The following TRIP10 variants were observed in gnomAD, a reference collection of about 807,000 sequenced individuals.
TRIP10 encodes the protein thyroid hormone receptor interactor 10.
TRIP10 carries 54 observed loss-of-function variants against 80.9 expected under a neutral mutation model. The observed-to-expected ratio is 0.67, with a 90% CI of 0.54 to 0.84. TRIP10 has a LOEUF of 0.84. TRIP10 is among the 40% of genes least tolerant of loss of function. TRIP10 has a pLI of 0.00. For synonymous variants in TRIP10, 321 were observed against 307.2 expected, an observed-to-expected ratio of 1.04 and a Z score of -0.47; for missense variants, 773 against 815.3, an observed-to-expected ratio of 0.95 and a Z score of 0.63.
In TRIP10 at chr19:6,746,222, A is replaced by G. The variant is rs1463206628; in HGVS notation, c.1152+26A>G. On this transcript the variant is annotated intron_variant, in intron 10 of 14. Transcript: ENST00000313244. This position sits in a 1 kb window ranked among gnomAD's most constrained non-coding sequence, Gnocchi z 6.2. ...GTAAGTGAGGCCTCGGGGCAGGAGGAGGTGGTGGCCCTAGCCTGCCCAGCG... is the reference window on the plus strand; with the variant it reads ...GTAAGTGAGGCCTCGGGGCAGGAGGGGGTGGTGGCCCTAGCCTGCCCAGCG... 1 of 1,507,760 alleles carries G rather than the reference A, an allele frequency of 6.6e-7. No individual in the cohort carries two copies. The highest frequency in any genetic ancestry group is 2.2e-5 in the Admixed American group (1 of 46,456). 93.4% of individuals were successfully genotyped at this position (1,507,760 alleles called of 1,614,324 possible).
Position 6,745,461 on chromosome 19 carries a change from T to G in TRIP10, c.984+467T>G, listed in dbSNP as rs1414234172. On this transcript the variant is annotated intron_variant, in intron 9 of 14. Transcript: ENST00000313244. This position sits in a 1 kb window ranked among gnomAD's most constrained non-coding sequence, Gnocchi z 7.2. ...CCCTCTTCACTTACACTCTCATACC[T>G]CTCCTTGACTTAACACCTGTGATCC... 6.6e-6 allele frequency among the ~76,000 whole-genome samples: 1 copy of G among 152,098 alleles called. No individual in the cohort carries two copies. The highest frequency in any genetic ancestry group is 1.5e-5 in the Non-Finnish European group (1 of 68,016).
rs753911553 is a variant in TRIP10, at chr19:6,751,288, TTA to T, written c.*79_*80del. Reference sequence around the variant, plus strand: ...CGGGGAGCCCCAGGACCTATGCACTTTATTTCTGACCCCGTGGCTTCGGCTGA... The same window carrying T: ...CGGGGAGCCCCAGGACCTATGCACTTTTTCTGACCCCGTGGCTTCGGCTGA... On this transcript the variant is annotated 3_prime_UTR_variant, in exon 15 of 15. Coordinates refer to ENST00000313244, the MANE Select transcript of TRIP10 (RefSeq NM_001288962.2). 6.2e-7 allele frequency: 1 copy of T among 1,603,750 alleles called. No individual in the cohort carries two copies. Among genetic ancestry groups the T allele is most frequent in the Non-Finnish European group, 8.5e-7 (1 of 1,173,898 alleles).
In TRIP10 at chr19:6,745,052, G is replaced by T. The variant is rs1342544116; in HGVS notation, c.984+58G>T. 1 of 1,561,670 alleles carries T rather than the reference G, an allele frequency of 6.4e-7. No individual in the cohort carries two copies. Among genetic ancestry groups the T allele is most frequent in the Non-Finnish European group, 8.7e-7 (1 of 1,155,676 alleles). ...GAAGGACAGTGAAGTGGGGACAGTG[G>T]GGCCCCTATTGAGTCAGCCCCAGCC... is the stretch of plus-strand genomic sequence containing the variant. On this transcript the variant is annotated intron_variant, in intron 9 of 14. Transcript: ENST00000313244. The surrounding 1 kb of genome is among the most constrained non-coding windows in gnomAD (Gnocchi z 7.2).
Position 6,749,929 on chromosome 19 carries a change from C to T in TRIP10, c.1263-5C>T, listed in dbSNP as rs779225155. 1.9e-6 allele frequency: 3 copies of T among 1,613,208 alleles called. No individual in the cohort carries two copies. The highest frequency in any genetic ancestry group is 1.7e-4 in the Middle Eastern group (1 of 6,052). ...TTCCTGTCTATCCTGTCTCCCTTGT[C>T]ATAGGGAAGCCCTAAAGAAAATGAA... On this transcript the variant is annotated splice_region_variant and splice_polypyrimidine_tract_variant and intron_variant, in intron 11 of 14. Coordinates refer to ENST00000313244, the MANE Select transcript of TRIP10 (RefSeq NM_001288962.2).
chr19:6,740,821 C>G (rs537700912), intron 1 of TRIP10, 189 bp from the exon 2 acceptor site: 1 of 580,862 alleles, frequency 1.7e-6, no homozygotes, highest in East Asian at 2.9e-5. Context: ...CGGCCCTTCC[C>G]GGGAAGGGGA....
In TRIP10 at chr19:6,744,792, T is replaced by TC; in HGVS notation, c.790-3dup. The TC allele has an allele frequency of 6.2e-7, 1 of 1,609,602 alleles. No homozygotes were observed. The stretch of plus-strand genomic sequence containing the variant: ...CTCGACTGCTCATCCACTGTCCCCC[T>TC]CCCCCAGGACTCCCACGTCCTTATA... On this transcript the variant is annotated splice_polypyrimidine_tract_variant and splice_region_variant and intron_variant, in intron 8 of 14. Coordinates refer to ENST00000313244, the MANE Select transcript of TRIP10 (RefSeq NM_001288962.2). The surrounding 1 kb of genome is among the most constrained non-coding windows in gnomAD (Gnocchi z 4.9).
rs915761466 is a variant in TRIP10, at chr19:6,745,599, C to T, written c.985-430C>T. The T allele has an allele frequency of 1.0e-5, 10 of 985,150 alleles. No individual in the cohort carries two copies. The highest frequency in any genetic ancestry group is 5.2e-5 in the African/African-American group (3 of 57,164). 61.0% of individuals were successfully genotyped at this position (985,150 alleles called of 1,614,324 possible). A position where few individuals can be genotyped will look rare whatever the true frequency, so the allele number is the denominator to read the frequency against. On this transcript the variant is annotated intron_variant, in intron 9 of 14. Transcript: ENST00000313244. The surrounding 1 kb of genome is among the most constrained non-coding windows in gnomAD (Gnocchi z 7.2). ...ATTTTTGTCCTCTGTGGCCTCTTAC[C>T]TGTCTGAGACCTTGATTCCTGCATG...
In TRIP10 at chr19:6,746,095, TC is replaced by T; in HGVS notation, c.1057del (p.Arg353AlafsTer10). 8 of 1,409,554 alleles carry T rather than the reference TC, an allele frequency of 5.7e-6. No homozygotes were observed. The highest frequency in any genetic ancestry group is 2.3e-5 in the Admixed American group (1 of 43,238). The allele number at this position is 1,409,554 out of a possible 1,614,324, so 87.3% of individuals were successfully genotyped here. A position where few individuals can be genotyped will look rare whatever the true frequency, so the allele number is the denominator to read the frequency against. ...VPSALPNGPPSPRSGRDPLAI... is the reference protein window; with the variant it reads ...VPSALPNGPPXPRSGRDPLAI... ...CTCGGCATTGCCTAACGGACCCCCG[TC>T]CCCCCGCTCCGGCCGTGACCCCTTG... On this transcript the variant is annotated frameshift_variant, in exon 10 of 15. Coordinates refer to ENST00000313244, the MANE Select transcript of TRIP10 (RefSeq NM_001288962.2). LOFTEE classifies it high-confidence loss of function. This position sits in a 1 kb window ranked among gnomAD's most constrained non-coding sequence, Gnocchi z 6.2.
At chr19:6,741,935 A>T (rs1968928440) in intron 3 of TRIP10, among the ~76,000 whole-genome samples, 2 of 151,910 alleles carry the variant, frequency 1.3e-5, no homozygotes, top group South Asian at 4.1e-4. Context: ...CTCCTGCCTC[A>T]GCCTCCCTAG....
At position 6,751,263 on chromosome 19, in the gene TRIP10, C is replaced by G. The variant is rs113120264; in HGVS notation, c.*52C>G. The G allele has an allele frequency of 6.2e-7, 1 of 1,612,604 alleles. No homozygotes were observed. Among genetic ancestry groups the G allele is most frequent in the South Asian group, 1.1e-5 (1 of 90,918 alleles). ...GCTGTCGGCTGCTGCTTCTGGGCCA[C>G]GGGGAGCCCCAGGACCTATGCACTT... On this transcript the variant is annotated 3_prime_UTR_variant, in exon 15 of 15. Coordinates refer to ENST00000313244, the MANE Select transcript of TRIP10 (RefSeq NM_001288962.2).
Position 6,745,468 on chromosome 19 carries a change from G to C in TRIP10, c.984+474G>C, listed in dbSNP as rs143759170. Among the ~76,000 whole-genome samples the C allele has an allele frequency of 6.6e-6, 1 of 152,054 alleles. No homozygotes were observed. Among genetic ancestry groups the C allele is most frequent in the Non-Finnish European group, 1.5e-5 (1 of 68,016 alleles). ...CACTTACACTCTCATACCTCTCCTT[G>C]ACTTAACACCTGTGATCCCCGAGCT... On this transcript the variant is annotated intron_variant, in intron 9 of 14. Coordinates refer to ENST00000313244, the MANE Select transcript of TRIP10 (RefSeq NM_001288962.2). The surrounding 1 kb of genome is among the most constrained non-coding windows in gnomAD (Gnocchi z 7.2).
chr19:6,743,070 G>A lies in TRIP10; in HGVS notation c.301G>A (p.Glu101Lys). The stretch of plus-strand genomic sequence containing the variant: ...GAACCTCAGTGTCCGTGTATGTCTT[G>A]AGCTGACCAAGTACTCACAAGAGAT... Reference protein sequence around the residue: ...AENLSVRVCLELTKYSQEMKQ... With the variant: ...AENLSVRVCLKLTKYSQEMKQ... The change falls in exon 4 of 15, where the codon GAG becomes AAG. Residue 101 changes from glutamate to lysine, a missense_variant. By Grantham distance (56) the Glu-to-Lys change is moderately conservative. Coordinates refer to ENST00000313244, the MANE Select transcript of TRIP10 (RefSeq NM_001288962.2). 1 of 1,614,168 alleles carries A rather than the reference G, an allele frequency of 6.2e-7. No individual in the cohort carries two copies. The highest frequency in any genetic ancestry group is 1.1e-5 in the South Asian group (1 of 91,076).
chr19:6,743,893 C>T, intron 7 of TRIP10, 57 bp downstream of exon 7: 1 of 1,599,996 alleles, frequency 6.3e-7, no homozygotes. Context: ...TGTTAGCCAA[C>T]TCCTACGCAT....
In TRIP10 at chr19:6,745,178, A is replaced by C; in HGVS notation, c.984+184A>C. Reference sequence around the variant, plus strand: ...TTGGCCTGGGAGTCCCCCGAGGCGAAGGCGGGGGCAGGGTGGGGAGGTGGG... The same window carrying C: ...TTGGCCTGGGAGTCCCCCGAGGCGACGGCGGGGGCAGGGTGGGGAGGTGGG... On this transcript the variant is annotated intron_variant, in intron 9 of 14. Coordinates refer to ENST00000313244, the MANE Select transcript of TRIP10 (RefSeq NM_001288962.2). This position sits in a 1 kb window ranked among gnomAD's most constrained non-coding sequence, Gnocchi z 7.2. The C allele has an allele frequency of 1.3e-6, 1 of 791,716 alleles. No individual in the cohort carries two copies. The allele number at this position is 791,716 out of a possible 1,614,324, so 49.0% of individuals were successfully genotyped here.
rs550312544 is a variant in TRIP10 at position 6,742,345 on chromosome 19, G to A, written c.198-622G>A. ...GCGGAGGTTGCAGTGAGCCAAGATC[G>A]CACCACTGCACTCCAGCCTGGGCGA... On this transcript the variant is annotated intron_variant, in intron 3 of 14. Coordinates refer to ENST00000313244, the MANE Select transcript of TRIP10 (RefSeq NM_001288962.2). Among the ~76,000 whole-genome samples, 23 of 151,928 alleles carry A rather than the reference G, an allele frequency of 1.5e-4. 1 individual carries two copies. In the South Asian group the frequency reaches 4.0e-3, roughly 26 times the overall value.
chr19:6,740,202 C>T (rs1481545299), intron 1 of TRIP10, among the ~76,000 whole-genome samples: 2 of 152,192 alleles, frequency 1.3e-5, no homozygotes, highest in Non-Finnish European at 2.9e-5. Context: ...CACGTGGGAC[C>T]TAGAAGTCCT....
intron 3 of TRIP10, among the ~76,000 whole-genome samples, chr19:6,741,890 T>G (rs915020744): frequency 1.3e-5 from 2 of 151,984 alleles, no homozygotes; most frequent in Non-Finnish European, 2.9e-5. Context: ...CCATCTCAGC[T>G]CACTGCAACT....
intron 13 of TRIP10, 32 bp downstream of exon 13, chr19:6,750,463 C>T (rs772518315): frequency 1.9e-6 from 3 of 1,613,892 alleles, no homozygotes; most frequent in Non-Finnish European, 2.5e-6. Context: ...GGTCTGTTCC[C>T]AGGGTCCCAG....
At chr19:6,747,736 T>C (rs1969179963) in intron 11 of TRIP10, among the ~76,000 whole-genome samples, 1 of 152,004 alleles carries the variant, frequency 6.6e-6, no homozygotes, top group East Asian at 1.9e-4. Context: ...GAGGTTGCAG[T>C]GAGTCAAGAC....
Sources: allele counts gnomAD v4.1 joint callset (sites outside exome capture counted in the v4.1 genomes callset), GRCh38; gene constraint gnomAD v4.1.1; non-coding constraint Gnocchi (gnomAD v3.1); transcripts MANE v1.5; gene names NCBI Gene and HGNC (gene_info 2026-07-23, HGNC 2026-07-21).